EPHA3: variants seen among roughly 807,000 people sequenced by gnomAD.
EPHA3 encodes ephrin type-A receptor 3.
In EPHA3, 42 loss-of-function variants were observed where a neutral mutation model predicts 107.1. The ratio of observed to expected loss-of-function variants is 0.39; its 90% CI spans 0.31 to 0.51. The LOEUF (loss-of-function observed/expected upper bound fraction) is 0.51, where lower values mean the gene tolerates loss of function less well. EPHA3 is among the 20% of genes least tolerant of loss of function. EPHA3 has a pLI of 0.78. For synonymous variants in EPHA3, 461 were observed against 424.8 expected (o/e 1.09, Z -1.05); for missense variants, 1,183 against 1,211.2 (o/e 0.98, Z 0.35).
chr3:89,286,362 C>T (rs1706083534), intron 3 of EPHA3, among the ~76,000 whole-genome samples: 1 of 151,726 alleles, frequency 6.6e-6, no homozygotes, highest in South Asian at 2.1e-4. Context: ...GCCGTTGTAG[C>T]CTTTGAACTG....
At chr3:89,241,194 T>C (rs1457967006) in intron 3 of EPHA3, among the ~76,000 whole-genome samples, 1 of 152,088 alleles carries the variant, frequency 6.6e-6, no homozygotes, top group African/African-American at 2.4e-5. Flanking sequence ...TTTCTTTTTG[T>C]TTTTCCTTAG....
rs1257548456 is a variant in EPHA3, at chr3:89,407,279, C to T, written c.1605C>T (p.Ile535=). 6.2e-7 allele frequency: 1 copy of T among 1,612,724 alleles called. No individual in the cohort carries two copies. The highest frequency in any genetic ancestry group is 8.5e-7 in the Non-Finnish European group (1 of 1,178,912). Residue 535 remains isoleucine, a synonymous_variant, in exon 8 of 17, where the codon ATC becomes ATT. Coordinates refer to ENST00000336596, the MANE Select transcript of EPHA3 (RefSeq NM_005233.6). ...TCTTCAACCTCACAGCTTTCTCCAT[C>T]TCTGGTGAAAGTAGCCAAGTGGTCA... ...EFETSPDSFS[I]SGESSQVVMI...
rs191343147 is a variant in EPHA3 at position 89,420,234 on chromosome 3, G to A, written c.2074+844G>A. On this transcript the variant is annotated intron_variant, in intron 11 of 16. Coordinates refer to ENST00000336596, the MANE Select transcript of EPHA3 (RefSeq NM_005233.6). ...GCATCCTTTAGGGGATAATTCATTG[G>A]CACCACATTTACATACTCTATCGTT... 4.8e-4 allele frequency among the ~76,000 whole-genome samples: 72 copies of A among 151,438 alleles called. No homozygotes were observed. In the East Asian group the frequency reaches 9.6e-3, roughly 20 times the overall value.
At chr3:89,252,423 A>G (rs62278168) in intron 3 of EPHA3, among the ~76,000 whole-genome samples, 33,625 of 152,116 alleles carry the variant, frequency 0.22, 4,009 homozygotes, top group Non-Finnish European at 0.27. Context: ...TCTATTTACT[A>G]GTTGCTTCTT....
At chr3:89,371,574 T>A (rs1023513884) in intron 5 of EPHA3, among the ~76,000 whole-genome samples, 1 of 151,656 alleles carries the variant, frequency 6.6e-6, no homozygotes, top group Non-Finnish European at 1.5e-5. Context: ...AAGTACTGAC[T>A]GTCAGCCAGG....
At chr3:89,469,340 AT>A (rs893682896) in intron 15 of EPHA3, among the ~76,000 whole-genome samples, 2 of 151,740 alleles carry the variant, frequency 1.3e-5, no homozygotes, top group African/African-American at 2.4e-5. Context: ...CAATGTTGCA[AT>A]TTTTTTTTCC....
At chr3:89,273,733 TC>T (rs976822466) in intron 3 of EPHA3, among the ~76,000 whole-genome samples, 10 of 140,878 alleles carry the variant, frequency 7.1e-5, no homozygotes, top group Admixed American at 1.4e-4. Context: ...TATGTATGTT[TC>T]TGTTTTAAGG....
intron 2 of EPHA3, among the ~76,000 whole-genome samples, chr3:89,208,889 GA>G (rs1706193865): frequency 6.6e-6 from 1 of 152,132 alleles, no homozygotes; most frequent in Non-Finnish European, 1.5e-5. Context: ...CATGACAAAA[GA>G]TGTAGTTTCC....
intron 16 of EPHA3, among the ~76,000 whole-genome samples, chr3:89,474,042 A>G (rs1710459715): frequency 6.6e-6 from 1 of 152,158 alleles, no homozygotes; most frequent in Non-Finnish European, 1.5e-5. Context: ...TTGAATATAT[A>G]AAGACTTTCA....
chr3:89,140,311 G>A (rs2107014182), intron 2 of EPHA3, among the ~76,000 whole-genome samples: 1 of 151,878 alleles, frequency 6.6e-6, no homozygotes, highest in South Asian at 2.1e-4. Context: ...TTAAAAATTA[G>A]TATATCATTT....
chr3:89,453,155 C>G (rs1029946284), intron 15 of EPHA3, among the ~76,000 whole-genome samples: 3 of 152,026 alleles, frequency 2.0e-5, no homozygotes, highest in African/African-American at 7.2e-5. Flanking sequence ...GCCATATGGT[C>G]CTCATTCTGT....
chr3:89,136,011 C>G lies in EPHA3; in HGVS notation c.153+8738C>G, dbSNP rs193062521. 1.4e-4 allele frequency among the ~76,000 whole-genome samples: 22 copies of G among 152,204 alleles called. 1 individual carries two copies. The East Asian group carries it at 4.2e-3, about 29-fold the overall frequency. Reference sequence around the variant, plus strand: ...TATTGCTATTTGGGAAGTTTGGGTTCTAAAAATCTTACCAACTGGATTTCT... The same window carrying G: ...TATTGCTATTTGGGAAGTTTGGGTTGTAAAAATCTTACCAACTGGATTTCT... On this transcript the variant is annotated intron_variant, in intron 2 of 16. Coordinates refer to ENST00000336596, the MANE Select transcript of EPHA3 (RefSeq NM_005233.6).
At chr3:89,393,631 G>A (rs76995616) in intron 5 of EPHA3, among the ~76,000 whole-genome samples, 2,464 of 152,206 alleles carry the variant, frequency 0.016, 70 homozygotes, top group African/African-American at 0.056. Context: ...ATGTGACTCC[G>A]TTAATGGACT....
intron 3 of EPHA3, among the ~76,000 whole-genome samples, chr3:89,271,243 C>A (rs1705660565): frequency 6.6e-6 from 1 of 151,566 alleles, no homozygotes; most frequent in African/African-American, 2.4e-5. Flanking sequence ...TTTGTATAAG[C>A]AAGAAACCAC....
intron 3 of EPHA3, among the ~76,000 whole-genome samples, chr3:89,211,669 C>CTCT (rs940473094): frequency 4.8e-4 from 5 of 10,464 alleles, no homozygotes; most frequent in Non-Finnish European, 1.0e-3. Context: ...CTTCCTCTTC[C>CTCT]TCCTCCTCCT....
chr3:89,364,074 A>T (rs1417212812), intron 5 of EPHA3, among the ~76,000 whole-genome samples: 2 of 150,776 alleles, frequency 1.3e-5, no homozygotes, highest in East Asian at 3.9e-4. Flanking sequence ...TTTGGAGATC[A>T]CCTTCTTATG....
At chr3:89,273,351 T>C (rs1359138764) in intron 3 of EPHA3, among the ~76,000 whole-genome samples, 1 of 151,994 alleles carries the variant, frequency 6.6e-6, no homozygotes, top group East Asian at 1.9e-4. Flanking sequence ...GTATTCTATC[T>C]ATTCATGTTA....
intron 8 of EPHA3, 32 bp downstream of exon 8, chr3:89,407,403 T>C: frequency 6.4e-7 from 1 of 1,560,776 alleles, no homozygotes; most frequent in Non-Finnish European, 8.8e-7. Context: ...CTATTCACTT[T>C]CTTTGTTGCT....
chr3:89,406,778 G>C (rs1576362750), intron 7 of EPHA3, among the ~76,000 whole-genome samples: 1 of 152,160 alleles, frequency 6.6e-6, no homozygotes, highest in Admixed American at 6.5e-5. Flanking sequence ...GTAGGAAATA[G>C]AGGGACAGTT....
Sources: gnomAD v4.1 joint callset for allele counts (sites outside exome capture counted in the v4.1 genomes callset) on GRCh38, gnomAD v4.1.1 for gene constraint, MANE v1.5 for transcripts, NCBI Gene and HGNC (gene_info 2026-07-23, HGNC 2026-07-21) for gene names.